The following CRPPA variants were observed in gnomAD, a reference collection of about 807,000 sequenced individuals.
CRPPA encodes the protein D-ribitol-5-phosphate cytidylyltransferase.
In CRPPA, 43 loss-of-function variants were observed where a neutral mutation model predicts 52.0. The observed-to-expected ratio is 0.83, with a 90% CI of 0.65 to 1.07. The LOEUF is 1.07. Among genes scored for constraint, CRPPA ranks in the 50% least tolerant of loss-of-function variants. The pLI, the probability that CRPPA is intolerant of heterozygous loss-of-function variation, is 0.00. For synonymous variants in CRPPA, 250 were observed against 203.5 expected, an observed-to-expected ratio of 1.23 and a Z score of -1.94; for missense variants, 629 against 551.7, an observed-to-expected ratio of 1.14 and a Z score of -1.40.
At chr7:16,200,772 C>G (rs1310409230) in intron 9 of CRPPA, among the ~76,000 whole-genome samples, 1 of 152,122 alleles carries the variant, frequency 6.6e-6, no homozygotes, top group Non-Finnish European at 1.5e-5. Context: ...CATCAATTCC[C>G]TTAAGCAACA....
At chr7:16,122,344 G>T (rs960985661) in intron 9 of CRPPA, among the ~76,000 whole-genome samples, 6 of 151,860 alleles carry the variant, frequency 4.0e-5, no homozygotes, top group African/African-American at 1.4e-4. Flanking sequence ...AAGAAAGAAA[G>T]AGTCCATCTT....
rs56733439 is a variant in CRPPA at position 16,352,879 on chromosome 7, GCACACACACACA to G, written c.684+23201_684+23212del. 6.3e-3 allele frequency among the ~76,000 whole-genome samples: 891 copies of G among 142,404 alleles called. 8 individuals carry two copies. The highest frequency in any genetic ancestry group is 0.041 in the South Asian group (175 of 4,274). 93.4% of individuals were successfully genotyped at this position (142,404 alleles called of 152,430 possible). ...AGGTCACAAGGATTTAAGTAACATG[GCACACACACACA>G]CACACACACACACACACACACACAC... is the stretch of plus-strand genomic sequence containing the variant. On this transcript the variant is annotated intron_variant, in intron 3 of 9. Transcript: ENST00000407010.
At chr7:16,377,200 T>C (rs973030594) in intron 2 of CRPPA, among the ~76,000 whole-genome samples, 4 of 151,850 alleles carry the variant, frequency 2.6e-5, no homozygotes, top group African/African-American at 9.7e-5. Context: ...AAAGAGACGG[T>C]TTATAAATTG....
chr7:16,416,640 G>T (rs1788201205), intron 1 of CRPPA, among the ~76,000 whole-genome samples: 1 of 151,700 alleles, frequency 6.6e-6, no homozygotes, highest in African/African-American at 2.4e-5. Flanking sequence ...CTCAAGACCA[G>T]CCTGCCCAAC....
At chr7:16,285,240 G>C (rs574631861) in intron 5 of CRPPA, among the ~76,000 whole-genome samples, 24 of 152,210 alleles carry the variant, frequency 1.6e-4, no homozygotes, top group African/African-American at 5.8e-4. Flanking sequence ...TTACAACCCA[G>C]AATTGTACAA....
rs887654751 is a variant in CRPPA, at chr7:16,264,664, T to A, written c.934-5652A>T. 2.0e-5 allele frequency among the ~76,000 whole-genome samples: 3 copies of A among 152,244 alleles called. No homozygotes were observed. In the South Asian group the frequency reaches 6.2e-4, roughly 32 times the overall value. ...ACGTTGGCTGGGTCATCTCTGAGTC[T>A]GAATCTTCCAACTTCTAGCCTCTCT... On this transcript the variant is annotated intron_variant, in intron 6 of 9. Transcript: ENST00000407010.
At chr7:16,170,788 G>A (rs991718265) in intron 9 of CRPPA, among the ~76,000 whole-genome samples, 6 of 152,198 alleles carry the variant, frequency 3.9e-5, no homozygotes, top group African/African-American at 1.4e-4. Context: ...GCAGTGCTGG[G>A]GGACCTGGTG....
chr7:16,350,277 A>C (rs1328906773), intron 3 of CRPPA, among the ~76,000 whole-genome samples: 1 of 152,156 alleles, frequency 6.6e-6, no homozygotes, highest in African/African-American at 2.4e-5. Context: ...GAAGATGACA[A>C]TAATTGGTAA....
intron 9 of CRPPA, among the ~76,000 whole-genome samples, chr7:16,193,033 CTCTTTGCATT>C (rs1414475010): frequency 6.6e-6 from 1 of 152,120 alleles, no homozygotes; most frequent in African/African-American, 2.4e-5. Flanking sequence ...CTATCCTACA[CTCTTTGCATT>C]TCCATGCAAA....
At chr7:16,296,941 G>A (rs746954938) in intron 5 of CRPPA, among the ~76,000 whole-genome samples, 1 of 152,138 alleles carries the variant, frequency 6.6e-6, no homozygotes, top group Non-Finnish European at 1.5e-5. Flanking sequence ...CACACCAGCT[G>A]AAGGTATAGT....
In CRPPA at chr7:16,221,516, A is replaced by G. The variant is rs1038928478; in HGVS notation, c.1120-5319T>C. Among the ~76,000 whole-genome samples, 14 of 152,272 alleles carry G rather than the reference A, an allele frequency of 9.2e-5. 1 individual carries two copies. The highest frequency in any genetic ancestry group is 2.4e-4 in the African/African-American group (10 of 41,552). On this transcript the variant is annotated intron_variant, in intron 8 of 9. Transcript: ENST00000407010. ...CATCAGAGTGAACAGGCAACCTACA[A>G]AATGGGAGAAGATTTTCACAACCTA...
intron 3 of CRPPA, among the ~76,000 whole-genome samples, chr7:16,335,686 G>T (rs1400983940): frequency 6.6e-6 from 1 of 152,074 alleles, no homozygotes; most frequent in Non-Finnish European, 1.5e-5. Flanking sequence ...CCTGAAAGAG[G>T]AAAGAAAAAG....
At chr7:16,115,295 T>C (rs10279326) in intron 9 of CRPPA, among the ~76,000 whole-genome samples, 13,155 of 152,192 alleles carry the variant, frequency 0.086, 717 homozygotes, top group East Asian at 0.14. Context: ...AAGTATACTA[T>C]GTGTATGCTA....
intron 9 of CRPPA, among the ~76,000 whole-genome samples, chr7:16,130,676 T>C (rs886132625): frequency 6.6e-6 from 1 of 152,208 alleles, no homozygotes; most frequent in Admixed American, 6.5e-5. Flanking sequence ...AATGAGTAAT[T>C]AGTGTCTATA....
At chr7:16,303,477 TAAAAAAAAA>T (rs545663821) in intron 4 of CRPPA, among the ~76,000 whole-genome samples, 5 of 44,970 alleles carry the variant, frequency 1.1e-4, no homozygotes, top group Non-Finnish European at 2.0e-4. Context: ...CATAAAATAG[TAAAAAAAAA>T]AAAAAAAAAA....
intron 5 of CRPPA, among the ~76,000 whole-genome samples, chr7:16,286,087 T>TTA (rs1313294075): frequency 6.4e-5 from 1 of 15,516 alleles, no homozygotes; most frequent in Non-Finnish European, 1.1e-4. Context: ...ATATAATATT[T>TTA]AAAAAAAAAA....
At chr7:16,175,216 C>G (rs1372727627) in intron 9 of CRPPA, among the ~76,000 whole-genome samples, 1 of 152,098 alleles carries the variant, frequency 6.6e-6, no homozygotes, top group Non-Finnish European at 1.5e-5. Flanking sequence ...TTAAACTGAT[C>G]AGCTTTAAAC....
intron 1 of CRPPA, among the ~76,000 whole-genome samples, chr7:16,416,675 C>G (rs7810902): frequency 7.6e-6 from 1 of 131,216 alleles, no homozygotes; most frequent in Non-Finnish European, 1.7e-5. Context: ...TTTCTACAAA[C>G]AAATACAAAA....
At chr7:16,328,055 T>C (rs1026396824) in intron 3 of CRPPA, among the ~76,000 whole-genome samples, 1 of 152,246 alleles carries the variant, frequency 6.6e-6, no homozygotes, top group Non-Finnish European at 1.5e-5. Flanking sequence ...TCATATCTAA[T>C]GCTTTTAAAA....
Sources: allele counts gnomAD v4.1 joint callset (sites outside exome capture counted in the v4.1 genomes callset), GRCh38; gene constraint gnomAD v4.1.1; transcripts MANE v1.5; gene names NCBI Gene and HGNC (gene_info 2026-07-23, HGNC 2026-07-21).